SPOCK3: variants seen among roughly 807,000 people sequenced by gnomAD.
SPOCK3 encodes the protein testican-3.
SPOCK3 carries 30 observed loss-of-function variants against 56.6 expected under a neutral mutation model. That is an observed-to-expected ratio of 0.53 (90% CI 0.40 to 0.72). The LOEUF is 0.72. Among genes scored for constraint, SPOCK3 ranks in the 30% least tolerant of loss-of-function variants. SPOCK3 has a pLI of 0.00. For synonymous variants in SPOCK3, 196 were observed against 183.3 expected, an observed-to-expected ratio of 1.07 and a Z score of -0.56; for missense variants, 527 against 530.0, an observed-to-expected ratio of 0.99 and a Z score of 0.06.
chr4:166,752,571 TATAC>T (rs796133059), intron 8 of SPOCK3, among the ~76,000 whole-genome samples: 3,246 of 12,930 alleles, frequency 0.25, 66 homozygotes, highest in East Asian at 0.41. Flanking sequence ...TATATATATA[TATAC>T]ACACACACAC....
At chr4:166,931,094 G>A (rs1031191822) in intron 4 of SPOCK3, among the ~76,000 whole-genome samples, 1 of 152,094 alleles carries the variant, frequency 6.6e-6, no homozygotes, top group Non-Finnish European at 1.5e-5. Context: ...CAATTCTCCT[G>A]CTTCAGCCTC....
intron 2 of SPOCK3, among the ~76,000 whole-genome samples, chr4:167,064,454 C>T (rs985645426): frequency 6.6e-6 from 1 of 151,770 alleles, no homozygotes; most frequent in African/African-American, 2.4e-5. Context: ...GAAAATTAGA[C>T]TTTCAAATTA....
chr4:166,786,331 A>G (rs1740725372), intron 7 of SPOCK3, among the ~76,000 whole-genome samples: 1 of 152,216 alleles, frequency 6.6e-6, no homozygotes, highest in African/African-American at 2.4e-5. Context: ...GGCAATGGTT[A>G]GTCCCTAAGA....
chr4:167,134,044 T>G (rs1237931804), intron 2 of SPOCK3, among the ~76,000 whole-genome samples: 1 of 147,010 alleles, frequency 6.8e-6, no homozygotes, highest in African/African-American at 2.5e-5. Flanking sequence ...TTTTTTTTTT[T>G]TTGAGACAGA....
chr4:167,164,090 C>G (rs1765550513), intron 2 of SPOCK3, among the ~76,000 whole-genome samples: 1 of 151,914 alleles, frequency 6.6e-6, no homozygotes. Context: ...ATACTAAACC[C>G]AGAAAAAACA....
At chr4:166,809,195 TTCC>T (rs1445412173) in intron 6 of SPOCK3, among the ~76,000 whole-genome samples, 1 of 151,938 alleles carries the variant, frequency 6.6e-6, no homozygotes, top group Non-Finnish European at 1.5e-5. Flanking sequence ...TTGTTATTTA[TTCC>T]ATCCTCCTGC....
intron 6 of SPOCK3, among the ~76,000 whole-genome samples, chr4:166,862,045 A>C (rs1287816303): frequency 6.6e-6 from 1 of 152,128 alleles, no homozygotes; most frequent in East Asian, 1.9e-4. Flanking sequence ...TATTTTGCTT[A>C]ATCAAATTAA....
chr4:167,116,803 A>T (rs1370815306), intron 2 of SPOCK3, among the ~76,000 whole-genome samples: 1 of 140,742 alleles, frequency 7.1e-6, no homozygotes, highest in African/African-American at 2.6e-5. Context: ...ATACACATAA[A>T]TACACATATA....
intron 4 of SPOCK3, among the ~76,000 whole-genome samples, chr4:166,994,774 C>G (rs531533138): frequency 6.6e-6 from 1 of 152,052 alleles, no homozygotes; most frequent in Non-Finnish European, 1.5e-5. Flanking sequence ...CTAAGATGTA[C>G]AATCTAAGTA....
chr4:167,193,103 G>T (rs1381204956), intron 2 of SPOCK3, among the ~76,000 whole-genome samples: 1 of 145,438 alleles, frequency 6.9e-6, no homozygotes, highest in South Asian at 2.1e-4. Flanking sequence ...GTGTCTGTTG[G>T]GTCCATTCAT....
intron 3 of SPOCK3, among the ~76,000 whole-genome samples, chr4:167,035,703 T>G (rs1446878576): frequency 6.6e-6 from 1 of 152,196 alleles, no homozygotes; most frequent in Non-Finnish European, 1.5e-5. Context: ...TAGGAAACAT[T>G]TCCTAGAACC....
intron 2 of SPOCK3, among the ~76,000 whole-genome samples, chr4:167,156,492 T>G (rs1162800627): frequency 6.6e-6 from 1 of 152,162 alleles, no homozygotes; most frequent in Non-Finnish European, 1.5e-5. Flanking sequence ...CTTTCAGTGC[T>G]TTAGTCCCCT....
chr4:166,937,925 G>A (rs1167142453), intron 4 of SPOCK3, among the ~76,000 whole-genome samples: 1 of 126,432 alleles, frequency 7.9e-6, no homozygotes, highest in Non-Finnish European at 1.7e-5. Context: ...CACCACGCCC[G>A]GCTAATCTCT....
rs188509968 is a variant in SPOCK3 at position 166,929,627 on chromosome 4, T to C, written c.351-16884A>G. On this transcript the variant is annotated intron_variant, in intron 4 of 10. Transcript: ENST00000357545. ...ATTTTTATGCAGATTCTTCATAAAT[T>C]CAAGAACCCCTTCTCCACTATCTGT... Among the ~76,000 whole-genome samples, 402 of 152,312 alleles carry C rather than the reference T, an allele frequency of 2.6e-3. 1 individual carries two copies. Among genetic ancestry groups the C allele is most frequent in the African/African-American group, 9.5e-3 (393 of 41,568 alleles).
intron 3 of SPOCK3, among the ~76,000 whole-genome samples, chr4:167,051,224 T>A (rs1181725298): frequency 6.6e-6 from 1 of 152,102 alleles, no homozygotes; most frequent in African/African-American, 2.4e-5. Context: ...CATTCAGGGA[T>A]CAAGCCTAGA....
intron 2 of SPOCK3, among the ~76,000 whole-genome samples, chr4:167,206,655 T>C (rs1192140421): frequency 6.6e-6 from 1 of 152,130 alleles, no homozygotes; most frequent in Non-Finnish European, 1.5e-5. Flanking sequence ...TGAAATATTA[T>C]ATCAACTGAA....
chr4:166,834,413 T>C (rs528489214), intron 6 of SPOCK3, among the ~76,000 whole-genome samples: 1 of 152,314 alleles, frequency 6.6e-6, no homozygotes, highest in African/African-American at 2.4e-5. Context: ...TTCAGTTTAT[T>C]TGATGGCTTT....
intron 2 of SPOCK3, among the ~76,000 whole-genome samples, chr4:167,064,544 AT>A (rs1755917882): frequency 6.6e-6 from 1 of 151,836 alleles, no homozygotes; most frequent in South Asian, 2.1e-4. Context: ...TTAAAAATGT[AT>A]CTTACTATTT....
chr4:166,741,187 G>C (rs1734806166), intron 9 of SPOCK3, among the ~76,000 whole-genome samples: 1 of 152,086 alleles, frequency 6.6e-6, no homozygotes, highest in Non-Finnish European at 1.5e-5. Flanking sequence ...TTCTAAAATA[G>C]AAAAAGAACA....
Sources: allele counts gnomAD v4.1 joint callset (sites outside exome capture counted in the v4.1 genomes callset), GRCh38; gene constraint gnomAD v4.1.1; transcripts MANE v1.5; gene names NCBI Gene and HGNC (gene_info 2026-07-23, HGNC 2026-07-21).